GALK2: variants seen among roughly 807,000 people sequenced by gnomAD.
GALK2 encodes the protein N-acetylgalactosamine kinase.
GALK2 carries 36 observed loss-of-function variants against 52.4 expected under a neutral mutation model. That is an observed-to-expected ratio of 0.69 (90% confidence interval 0.53 to 0.91). The LOEUF (loss-of-function observed/expected upper bound fraction) is 0.91, where lower values mean the gene tolerates loss of function less well. Ranked by LOEUF, GALK2 falls within the 40% of genes least tolerant of loss-of-function variation. The probability of loss-of-function intolerance (pLI) is 0.00; values close to 1 mark genes in which losing one functional copy is unlikely to be tolerated. For synonymous variants in GALK2, 176 were observed against 199.1 expected (o/e 0.88, Z 0.98); for missense variants, 579 against 559.1 (o/e 1.04, Z -0.36).
rs577675585 is a variant in GALK2 at position 49,319,003 on chromosome 15, T to C, written c.968-601T>C. ...TCGTGCTCTATCGCCCAGGCTGGAG[T>C]GCAACGGCGTGATCTCAGCTCACTG... On this transcript the variant is annotated intron_variant, in intron 8 of 9. Transcript: ENST00000560031. 2.3e-4 allele frequency: 101 copies of C among 443,150 alleles called. 1 individual carries two copies. The highest frequency in any genetic ancestry group is 1.6e-3 in the South Asian group (100 of 62,180). The allele number at this position is 443,150 out of a possible 1,614,324, so 27.5% of individuals were successfully genotyped here.
At chr15:49,296,089 T>G (rs554202138) in intron 8 of GALK2, among the ~76,000 whole-genome samples, 13 of 152,330 alleles carry the variant, frequency 8.5e-5, no homozygotes, top group Admixed American at 8.5e-4. Context: ...ATGCTTCATC[T>G]TATTTCTTTT....
intron 3 of GALK2, among the ~76,000 whole-genome samples, chr15:49,233,010 A>G (rs2090588951): frequency 6.6e-6 from 1 of 152,142 alleles, no homozygotes; most frequent in African/African-American, 2.4e-5. Context: ...ATGCAAATTC[A>G]CATTTTCAGG....
At chr15:49,232,628 T>A (rs1018504256) in intron 3 of GALK2, among the ~76,000 whole-genome samples, 2 of 152,218 alleles carry the variant, frequency 1.3e-5, no homozygotes, top group Non-Finnish European at 2.9e-5. Flanking sequence ...CAGTTTCAGG[T>A]CATTTCTTTG....
rs372952506 is a variant in GALK2, at chr15:49,227,672, TTTG to T, written c.267-8176_267-8174del. On this transcript the variant is annotated intron_variant, in intron 3 of 9. Transcript: ENST00000560031. ...ATATGGGAGGGCTTATTCCTGTCAT[TTTG>T]TTAATTGACTTCTGGTTGTTTTATA... Among the ~76,000 whole-genome samples, 281 of 152,204 alleles carry T rather than the reference TTTG, an allele frequency of 1.8e-3. 1 individual carries two copies. The highest frequency in any genetic ancestry group is 6.3e-3 in the African/African-American group (260 of 41,552).
chr15:49,367,504 AC>A lies in GALK2; in HGVS notation c.442del (p.Ser149AlafsTer8). On this transcript the variant is annotated frameshift_variant, in exon 4 of 4. Coordinates refer to the GALK2 transcript ENST00000558399. LOFTEE classifies it high-confidence loss of function. ...TGGTTTTCTTAGGTGCTTTGGAAAT[AC>A]CAGCCAGCTCATGCATCTTAAGATA... 6.2e-7 allele frequency: 1 copy of A among 1,606,236 alleles called. No individual in the cohort carries two copies. The highest frequency in any genetic ancestry group is 8.5e-7 in the Non-Finnish European group (1 of 1,178,240).
At chr15:49,180,354 T>C (rs755908429) in intron 1 of GALK2, among the ~76,000 whole-genome samples, 3 of 152,234 alleles carry the variant, frequency 2.0e-5, no homozygotes, top group Non-Finnish European at 2.9e-5. Context: ...TTGTACTTAT[T>C]GCTCTTTTTC....
intron 1 of GALK2, among the ~76,000 whole-genome samples, chr15:49,200,476 G>A (rs901165414): frequency 2.6e-5 from 4 of 152,238 alleles, no homozygotes; most frequent in African/African-American, 9.6e-5. Flanking sequence ...CTCAATTAGA[G>A]TGGATGGACT....
intron 3 of GALK2, chr15:49,365,155 A>T: frequency 1.3e-6 from 1 of 747,582 alleles, no homozygotes; most frequent in Non-Finnish European, 2.4e-6. Flanking sequence ...CAGACATCAC[A>T]GGGTTTTCTT....
At chr15:49,258,388 T>C (rs2091908126) in intron 5 of GALK2, among the ~76,000 whole-genome samples, 1 of 151,994 alleles carries the variant, frequency 6.6e-6, no homozygotes, top group Non-Finnish European at 1.5e-5. Context: ...GAGGTAACGT[T>C]TGAGCAGAGA....
chr15:49,203,655 T>G (rs1052041442), intron 2 of GALK2, among the ~76,000 whole-genome samples: 1 of 152,228 alleles, frequency 6.6e-6, no homozygotes. Context: ...TTTCATAGTT[T>G]CAGTTCTGAT....
intron 1 of GALK2, among the ~76,000 whole-genome samples, chr15:49,192,476 TATATATATG>T (rs2086799289): frequency 1.6e-5 from 1 of 64,516 alleles, no homozygotes; most frequent in Non-Finnish European, 3.1e-5. Context: ...ATGAATATTA[TATATATATG>T]TATATATATA....
At chr15:49,237,776 A>G (rs1415041889) in intron 4 of GALK2, among the ~76,000 whole-genome samples, 1 of 152,092 alleles carries the variant, frequency 6.6e-6, no homozygotes, top group Non-Finnish European at 1.5e-5. Context: ...CGCCCGGCTG[A>G]TAAGTTCTTA....
At chr15:49,273,549 A>G (rs2031111155) in intron 5 of GALK2, among the ~76,000 whole-genome samples, 1 of 151,728 alleles carries the variant, frequency 6.6e-6, no homozygotes, top group Non-Finnish European at 1.5e-5. Flanking sequence ...AAAAAAAAAT[A>G]TTAGAACAGG....
intron 7 of GALK2, among the ~76,000 whole-genome samples, chr15:49,290,414 A>G (rs1220163441): frequency 1.3e-5 from 2 of 152,194 alleles, no homozygotes; most frequent in African/African-American, 4.8e-5. Flanking sequence ...TGTCACAGTA[A>G]AGTGGGATAT....
intron 8 of GALK2, among the ~76,000 whole-genome samples, chr15:49,293,300 A>G (rs754066165): frequency 6.6e-6 from 1 of 152,252 alleles, no homozygotes; most frequent in Non-Finnish European, 1.5e-5. Context: ...GGCTGGAAGT[A>G]CTGAAAACTT....
chr15:49,161,463 A>G (rs1032089778), intron 1 of GALK2, among the ~76,000 whole-genome samples: 2 of 152,324 alleles, frequency 1.3e-5, no homozygotes, highest in East Asian at 3.9e-4. Flanking sequence ...CACATAGCCT[A>G]TCCTGAATAC....
chr15:49,300,541 G>A (rs1402665870), intron 8 of GALK2, among the ~76,000 whole-genome samples: 4 of 151,936 alleles, frequency 2.6e-5, no homozygotes, highest in Non-Finnish European at 4.4e-5. Flanking sequence ...ATATGGTTTG[G>A]CTGTGTCCCC....
intron 5 of GALK2, among the ~76,000 whole-genome samples, chr15:49,246,255 T>A (rs1461063397): frequency 6.6e-6 from 1 of 152,192 alleles, no homozygotes; most frequent in African/African-American, 2.4e-5. Flanking sequence ...AAGTGCCTCT[T>A]AGGAATCTTA....
At chr15:49,190,696 C>G (rs979923026) in intron 1 of GALK2, among the ~76,000 whole-genome samples, 4 of 152,134 alleles carry the variant, frequency 2.6e-5, no homozygotes, top group African/African-American at 9.7e-5. Context: ...AGAGGATGCT[C>G]CTGTAACAGT....
Sources: gnomAD v4.1 joint callset for allele counts (sites outside exome capture counted in the v4.1 genomes callset) on GRCh38, gnomAD v4.1.1 for gene constraint, MANE v1.5 for transcripts, NCBI Gene and HGNC (gene_info 2026-07-23, HGNC 2026-07-21) for gene names.